The following ADGRL3 variants were observed in gnomAD, a reference collection of about 807,000 sequenced individuals.
ADGRL3 encodes the protein calcium-independent alpha-latrotoxin receptor 3.
In ADGRL3, 62 loss-of-function variants were observed where a neutral mutation model predicts 153.5. The observed-to-expected ratio is 0.40, with a 90% CI of 0.33 to 0.50. The LOEUF is 0.50. Among genes scored for constraint, ADGRL3 ranks in the 20% least tolerant of loss-of-function variants. The pLI is 0.47. For missense variants in ADGRL3, 1,641 were observed against 1,859.4 expected, an observed-to-expected ratio of 0.88 and a Z score of 2.16; for synonymous variants, 710 against 672.5, an observed-to-expected ratio of 1.06 and a Z score of -0.86.
intron 2 of ADGRL3, among the ~76,000 whole-genome samples, chr4:61,443,058 C>T (rs2097544064): frequency 6.6e-6 from 1 of 152,094 alleles, no homozygotes; most frequent in African/African-American, 2.4e-5. Context: ...GATACAAAGC[C>T]ATTTTGTTCT....
At chr4:61,917,349 C>CT (rs565499079) in intron 13 of ADGRL3, among the ~76,000 whole-genome samples, 1 of 152,052 alleles carries the variant, frequency 6.6e-6, no homozygotes, top group South Asian at 2.1e-4. Flanking sequence ...TTTTCAATCT[C>CT]TTTTTTGAGA....
chr4:61,269,810 C>T (rs1439614080), intron 1 of ADGRL3, among the ~76,000 whole-genome samples: 1 of 151,668 alleles, frequency 6.6e-6, no homozygotes, highest in African/African-American at 2.4e-5. Context: ...ATTAACTTGC[C>T]ATTTAATTCA....
chr4:61,878,996 T>G (rs1311167475), intron 9 of ADGRL3, among the ~76,000 whole-genome samples: 1 of 152,202 alleles, frequency 6.6e-6, no homozygotes, highest in African/African-American at 2.4e-5. Flanking sequence ...TTTAAGATTT[T>G]TTTGAAAAGA....
chr4:61,417,311 G>A lies in ADGRL3; in HGVS notation c.-174+34122G>A, dbSNP rs571357585. Among the ~76,000 whole-genome samples, 18 of 152,074 alleles carry A rather than the reference G, an allele frequency of 1.2e-4. 1 individual carries two copies. In the South Asian group the frequency reaches 3.3e-3, roughly 28 times the overall value. ...AAGACCAGCCTGGGCAACATAGTGA[G>A]ACCCCCATCTCTACAAATAAAATAA... On this transcript the variant is annotated intron_variant, in intron 2 of 26. Transcript: ENST00000683033.
chr4:61,293,365 A>G (rs1486026887), intron 1 of ADGRL3, among the ~76,000 whole-genome samples: 1 of 152,196 alleles, frequency 6.6e-6, no homozygotes, highest in Non-Finnish European at 1.5e-5. Flanking sequence ...TGGTTGTTGA[A>G]CAAAGCTTTC....
intron 8 of ADGRL3, among the ~76,000 whole-genome samples, chr4:61,745,732 C>G (rs749760072): frequency 1.4e-3 from 218 of 152,250 alleles, no homozygotes; most frequent in Non-Finnish European, 2.1e-3. Flanking sequence ...AAAGGAACAA[C>G]TGGTACCAGC....
At chr4:61,249,689 C>T (rs898474414) in intron 1 of ADGRL3, among the ~76,000 whole-genome samples, 1 of 152,104 alleles carries the variant, frequency 6.6e-6, no homozygotes, top group Non-Finnish European at 1.5e-5. Context: ...CGTTGGGAAA[C>T]GTAGTCTTTT....
chr4:61,380,410 A>T (rs2096653527), intron 1 of ADGRL3, among the ~76,000 whole-genome samples: 1 of 152,010 alleles, frequency 6.6e-6, no homozygotes. Flanking sequence ...CCATTTTAGG[A>T]TTAGAAAATG....
intron 4 of ADGRL3, among the ~76,000 whole-genome samples, chr4:61,527,133 T>A (rs2098568908): frequency 6.6e-6 from 1 of 152,042 alleles, no homozygotes; most frequent in Non-Finnish European, 1.5e-5. Context: ...TTTAAAAATA[T>A]CAGGAATTCA....
chr4:61,725,138 G>A (rs939110677), intron 6 of ADGRL3, among the ~76,000 whole-genome samples: 1 of 152,166 alleles, frequency 6.6e-6, no homozygotes, highest in Non-Finnish European at 1.5e-5. Context: ...CACTGTAGAT[G>A]AGTAAGATGA....
intron 1 of ADGRL3, among the ~76,000 whole-genome samples, chr4:61,203,277 C>G (rs780809098): frequency 3.9e-5 from 6 of 152,170 alleles, no homozygotes; most frequent in Admixed American, 1.3e-4. Flanking sequence ...TCGAGGCTTG[C>G]GAGCCACCTC....
rs538549272 is a variant in ADGRL3, at chr4:61,767,131, T to C, written c.1399+33577T>C. Among the ~76,000 whole-genome samples the C allele has an allele frequency of 3.1e-3, 464 of 151,922 alleles. 3 individuals carry two copies. Among genetic ancestry groups the C allele is most frequent in the Middle Eastern group, 6.8e-3 (2 of 294 alleles). Reference sequence around the variant, plus strand: ...TCGCCAAGGAGGGAGTAGAGGTATCTTATACTTGTGGGTTAAGGTTGGGGG... The same window carrying C: ...TCGCCAAGGAGGGAGTAGAGGTATCCTATACTTGTGGGTTAAGGTTGGGGG... On this transcript the variant is annotated intron_variant, in intron 8 of 26. Transcript: ENST00000683033.
chr4:61,254,218 A>G (rs548401219), intron 1 of ADGRL3, among the ~76,000 whole-genome samples: 5 of 152,238 alleles, frequency 3.3e-5, no homozygotes, highest in African/African-American at 1.2e-4. Flanking sequence ...ACAGTCCCCA[A>G]TTCACTTCCA....
intron 2 of ADGRL3, among the ~76,000 whole-genome samples, chr4:61,401,211 T>G: frequency 6.6e-6 from 1 of 151,924 alleles, no homozygotes; most frequent in Non-Finnish European, 1.5e-5. Flanking sequence ...TTGTATCACA[T>G]AAAACAACGT....
At chr4:61,287,015 G>C (rs551756862) in intron 1 of ADGRL3, among the ~76,000 whole-genome samples, 1 of 151,782 alleles carries the variant, frequency 6.6e-6, no homozygotes, top group Non-Finnish European at 1.5e-5. Flanking sequence ...ACAGTATCCA[G>C]CTTTCACTGA....
intron 1 of ADGRL3, among the ~76,000 whole-genome samples, chr4:61,249,988 C>T (rs1758618392): frequency 6.6e-6 from 1 of 152,150 alleles, no homozygotes; most frequent in Non-Finnish European, 1.5e-5. Flanking sequence ...TGATGATCCA[C>T]ATTAACTTGT....
intron 6 of ADGRL3, among the ~76,000 whole-genome samples, chr4:61,697,732 A>G (rs746038919): frequency 3.9e-5 from 6 of 152,328 alleles, no homozygotes; most frequent in Middle Eastern, 6.8e-3. Context: ...ACATCAGCCC[A>G]GTATAGGAGG....
At chr4:61,407,334 A>G (rs2097015534) in intron 2 of ADGRL3, among the ~76,000 whole-genome samples, 1 of 152,144 alleles carries the variant, frequency 6.6e-6, no homozygotes, top group Non-Finnish European at 1.5e-5. Flanking sequence ...GTCTTCACAT[A>G]TTAGTTTTCT....
intron 4 of ADGRL3, among the ~76,000 whole-genome samples, chr4:61,541,173 A>C (rs1474464027): frequency 1.3e-5 from 2 of 152,060 alleles, no homozygotes; most frequent in Non-Finnish European, 2.9e-5. Context: ...TCGTGGCCCC[A>C]GCGGCAAATA....
Sources: allele counts gnomAD v4.1 joint callset (sites outside exome capture counted in the v4.1 genomes callset), GRCh38; gene constraint gnomAD v4.1.1; transcripts MANE v1.5; gene names NCBI Gene and HGNC (gene_info 2026-07-23, HGNC 2026-07-21).